Variants in NRG1 observed in about 807,000 individuals in gnomAD.
NRG1 encodes the protein pro-neuregulin-1, membrane-bound isoform.
Under a neutral mutation model 63.8 loss-of-function variants are expected in NRG1, and 18 were observed. The ratio of observed to expected loss-of-function variants is 0.28; its 90% confidence interval spans 0.19 to 0.42. The LOEUF is 0.42. Ranked by LOEUF, NRG1 falls within the 10% of genes least tolerant of loss-of-function variation. The probability of loss-of-function intolerance (pLI) is 1.00; values close to 1 mark genes in which losing one functional copy is unlikely to be tolerated. For synonymous variants in NRG1, 302 were observed against 301.3 expected, an observed-to-expected ratio of 1.00 and a Z score of -0.02; for missense variants, 762 against 814.7, an observed-to-expected ratio of 0.94 and a Z score of 0.79.
Position 32,742,136 on chromosome 8 carries a change from T to G in NRG1, c.633-539T>G, listed in dbSNP as rs998826036. Reference sequence around the variant, plus strand: ...CAACTACAGCAACAATCACTACCACTTGGTGCTTTTACAGCTCAGTCGTAA... The same window carrying G: ...CAACTACAGCAACAATCACTACCACGTGGTGCTTTTACAGCTCAGTCGTAA... On this transcript the variant is annotated intron_variant, in intron 6 of 11. Transcript: ENST00000356819. This position sits in a 1 kb window ranked among gnomAD's most constrained non-coding sequence, Gnocchi z 4.2. 4 of 1,353,598 alleles carry G rather than the reference T, an allele frequency of 3.0e-6. No homozygotes were observed. The highest frequency in any genetic ancestry group is 1.8e-4 in the Middle Eastern group (1 of 5,566). 83.8% of individuals were successfully genotyped at this position (1,353,598 alleles called of 1,614,324 possible).
intron 1 of NRG1, among the ~76,000 whole-genome samples, chr8:32,550,515 T>C (rs1833913411): frequency 6.6e-6 from 1 of 152,174 alleles, no homozygotes; most frequent in Non-Finnish European, 1.5e-5. Flanking sequence ...CCTCTGTAGA[T>C]GGTCTAATGA....
rs763096272 is a variant in NRG1, at chr8:32,754,337, G to A, written c.692-35G>A. ...GTAGTCAGTCCTGGCAAGTGGAAGT[G>A]ACCTGTGATGACATCTGCTCTCATC... On this transcript the variant is annotated intron_variant, in intron 7 of 11. Coordinates refer to ENST00000356819, the Ensembl canonical transcript of NRG1. 21 of 1,593,872 alleles carry A rather than the reference G, an allele frequency of 1.3e-5. No individual in the cohort carries two copies. In the Admixed American group the frequency reaches 2.9e-4, roughly 22 times the overall value.
At chr8:32,008,363 G>A (rs1478620966) in intron 1 of NRG1, among the ~76,000 whole-genome samples, 3 of 151,922 alleles carry the variant, frequency 2.0e-5, no homozygotes, top group African/African-American at 7.2e-5. Flanking sequence ...CACCTCTTCA[G>A]GAGTTTCAAA....
chr8:32,418,799 G>A (rs1473693450), intron 1 of NRG1, among the ~76,000 whole-genome samples: 8 of 152,114 alleles, frequency 5.3e-5, no homozygotes, highest in African/African-American at 1.9e-4. Context: ...CTTAAAACCA[G>A]CATTGCAGTT....
At chr8:31,727,151 T>C (rs1813534046) in intron 1 of NRG1, among the ~76,000 whole-genome samples, 1 of 152,142 alleles carries the variant, frequency 6.6e-6, no homozygotes, top group South Asian at 2.1e-4. Context: ...AAGAGATAAG[T>C]TCCCTACATT....
chr8:31,663,934 C>A (rs1163582825), intron 1 of NRG1, among the ~76,000 whole-genome samples: 1 of 152,002 alleles, frequency 6.6e-6, no homozygotes, highest in Admixed American at 6.6e-5. Flanking sequence ...TTTATTTTAT[C>A]CACACCTCAA....
chr8:32,702,142 C>CA (rs968953869), intron 5 of NRG1, among the ~76,000 whole-genome samples: 36 of 151,804 alleles, frequency 2.4e-4, no homozygotes, highest in African/African-American at 7.5e-4. Context: ...TTTATAACAA[C>CA]AAAAAAAATC....
chr8:32,771,718 AT>A (rs1564159687), downstream of NRG1, among the ~76,000 whole-genome samples: 1,464 of 126,512 alleles, frequency 0.012, 20 homozygotes, highest in African/African-American at 0.034. Context: ...AAAAAAAAAT[AT>A]ATATATATAT....
chr8:31,723,919 G>A (rs1813168631), intron 1 of NRG1, among the ~76,000 whole-genome samples: 1 of 152,106 alleles, frequency 6.6e-6, no homozygotes, highest in African/African-American at 2.4e-5. Flanking sequence ...AAACAGAGAA[G>A]TTCAAGATTT....
intron 1 of NRG1, among the ~76,000 whole-genome samples, chr8:32,324,776 A>C (rs115596640): frequency 0.021 from 3,145 of 152,292 alleles, 100 homozygotes; most frequent in African/African-American, 0.07. Flanking sequence ...GCCATTATTT[A>C]TTAAAACCTT....
intron 5 of NRG1, among the ~76,000 whole-genome samples, chr8:32,724,545 G>A (rs748055768): frequency 5.8e-4 from 88 of 152,090 alleles, no homozygotes; most frequent in African/African-American, 8.7e-4. Context: ...ATATCACTGC[G>A]AAATTTATAG....
intron 1 of NRG1, among the ~76,000 whole-genome samples, chr8:31,744,125 G>A (rs1815607699): frequency 6.6e-6 from 1 of 151,922 alleles, no homozygotes; most frequent in African/African-American, 2.4e-5. Context: ...CACATGTACA[G>A]GTGTTGTTAA....
At chr8:32,462,595 C>CTTTTTT (rs58485445) in intron 1 of NRG1, among the ~76,000 whole-genome samples, 128 of 72,300 alleles carry the variant, frequency 1.8e-3, no homozygotes, top group East Asian at 2.3e-3. Context: ...CACACTGATT[C>CTTTTTT]TTTTTTTTTT....
intron 5 of NRG1, among the ~76,000 whole-genome samples, 179 bp downstream of exon 5, chr8:32,617,064 A>G (rs2129541910): frequency 6.6e-6 from 1 of 152,272 alleles, no homozygotes; most frequent in Non-Finnish European, 1.5e-5. Flanking sequence ...GGACAACTAG[A>G]CATCCTGTCC....
intron 1 of NRG1, among the ~76,000 whole-genome samples, chr8:31,819,036 A>G (rs1563440509): frequency 6.6e-6 from 1 of 152,024 alleles, no homozygotes; most frequent in Non-Finnish European, 1.5e-5. Flanking sequence ...CCCGGGCGAC[A>G]GAGTGAGACT....
At chr8:31,647,751 C>G (rs1262396870) in intron 1 of NRG1, among the ~76,000 whole-genome samples, 1 of 152,190 alleles carries the variant, frequency 6.6e-6, no homozygotes, top group East Asian at 1.9e-4. Context: ...TCCGGACAAT[C>G]CTTTCCTCTG....
At chr8:31,652,000 G>T (rs2130884924) in intron 1 of NRG1, among the ~76,000 whole-genome samples, 1 of 152,238 alleles carries the variant, frequency 6.6e-6, no homozygotes, top group Middle Eastern at 3.4e-3. Context: ...CATCTCCACT[G>T]CCAGTCCCTC....
At chr8:32,529,774 C>T (rs1831253628) in intron 1 of NRG1, among the ~76,000 whole-genome samples, 1 of 152,198 alleles carries the variant, frequency 6.6e-6, no homozygotes, top group African/African-American at 2.4e-5. Context: ...CAGTAACACA[C>T]ACGGAGCTGT....
intron 1 of NRG1, among the ~76,000 whole-genome samples, chr8:32,265,353 A>T (rs1019097189): frequency 1.3e-5 from 2 of 151,986 alleles, no homozygotes; most frequent in African/African-American, 4.8e-5. Context: ...TTAATTAATT[A>T]AAAAAATAAT....
Sources: allele counts gnomAD v4.1 joint callset (sites outside exome capture counted in the v4.1 genomes callset), GRCh38; gene constraint gnomAD v4.1.1; non-coding constraint Gnocchi (gnomAD v3.1); transcripts MANE v1.5; gene names NCBI Gene and HGNC (gene_info 2026-07-23, HGNC 2026-07-21).